OSBPL3: variants seen among roughly 807,000 people sequenced by gnomAD.
The protein encoded by OSBPL3 is oxysterol-binding protein-related protein 3.
Under a neutral mutation model 120.1 loss-of-function variants are expected in OSBPL3, and 65 were observed. That is an observed-to-expected ratio of 0.54 (90% CI 0.44 to 0.67). The LOEUF is 0.67. OSBPL3 is among the 30% of genes least tolerant of loss of function. The pLI, the probability that OSBPL3 is intolerant of heterozygous loss-of-function variation, is 0.00. For missense variants in OSBPL3, 1,004 were observed against 1,082.1 expected, an observed-to-expected ratio of 0.93 and a Z score of 1.01; for synonymous variants, 416 against 402.6, an observed-to-expected ratio of 1.03 and a Z score of -0.40.
Position 24,861,627 on chromosome 7 carries a change from T to C in OSBPL3, c.1013A>G (p.His338Arg). The change falls in exon 10 of 23, where the codon CAT becomes CGT. Residue 338 changes from histidine (H) to arginine (R), a missense_variant. Transcript: ENST00000313367. The part of the protein sequence containing the change: ...EFSKMQEDLC[H>R]IAHKVYFTLR... The stretch of plus-strand genomic sequence containing the variant: ...AACTCATTTACCTTTATGGGCAATA[T>C]GACACAGATCTTCTTGCATTTTAGA... 6.3e-7 allele frequency: 1 copy of C among 1,598,432 alleles called. No homozygotes were observed. Among genetic ancestry groups the C allele is most frequent in the Non-Finnish European group, 8.5e-7 (1 of 1,174,210 alleles).
At chr7:24,923,427 G>A (rs1043573441) in intron 1 of OSBPL3, among the ~76,000 whole-genome samples, 1 of 152,324 alleles carries the variant, frequency 6.6e-6, no homozygotes, top group East Asian at 1.9e-4. Flanking sequence ...TCAGAACGTG[G>A]AAGTATTTCG....
rs868067845 is a variant in OSBPL3 at position 24,810,086 on chromosome 7, G to T, written c.2173-135C>A. ...CTGCATATTAGTTTGCTAGTTCTGG[G>T]TTCCGTTTTTTTAACCGACAAATAA... On this transcript the variant is annotated intron_variant, in intron 19 of 22. Transcript: ENST00000313367. 28 of 919,088 alleles carry T rather than the reference G, an allele frequency of 3.0e-5. No homozygotes were observed. The African/African-American group carries it at 4.5e-4, about 15-fold the overall frequency. The allele number at this position is 919,088 out of a possible 1,614,324, so 56.9% of individuals were successfully genotyped here.
intron 12 of OSBPL3, among the ~76,000 whole-genome samples, chr7:24,846,164 C>T (rs1798423986): frequency 6.6e-6 from 1 of 152,078 alleles, no homozygotes; most frequent in Admixed American, 6.5e-5. Context: ...CCATTCTTAC[C>T]CATCATCCCT....
chr7:24,843,445 C>A (rs972681409), intron 12 of OSBPL3, among the ~76,000 whole-genome samples: 34 of 152,130 alleles, frequency 2.2e-4, no homozygotes, highest in African/African-American at 8.2e-4. Context: ...TCCACATCAT[C>A]CAGAATAATT....
chr7:24,876,766 T>A (rs1802907847), intron 2 of OSBPL3, among the ~76,000 whole-genome samples: 1 of 152,140 alleles, frequency 6.6e-6, no homozygotes, highest in African/African-American at 2.4e-5. Context: ...CCTAACTATA[T>A]AAGCAATAAT....
Position 24,891,110 on chromosome 7 carries a change from C to T in OSBPL3, c.96+1267G>A, listed in dbSNP as rs1805282426. On this transcript the variant is annotated intron_variant, in intron 2 of 22. Transcript: ENST00000313367. The surrounding 1 kb of genome is among the most constrained non-coding windows in gnomAD (Gnocchi z 4.1). ...TTTTGGCTTAGGGAGAAAAATACTC[C>T]TGTGGAAAGCTGACAAAGAGGACAA... is the stretch of plus-strand genomic sequence containing the variant. Among the ~76,000 whole-genome samples the T allele has an allele frequency of 6.6e-6, 1 of 152,166 alleles. No homozygotes were observed. Among genetic ancestry groups the T allele is most frequent in the South Asian group, 2.1e-4 (1 of 4,830 alleles).
At position 24,964,291 on chromosome 7, in the gene OSBPL3, A is replaced by C. The variant is rs931820060; in HGVS notation, c.-150+15595T>G. 2.0e-5 allele frequency among the ~76,000 whole-genome samples: 3 copies of C among 152,234 alleles called. No homozygotes were observed. The highest frequency in any genetic ancestry group is 4.4e-5 in the Non-Finnish European group (3 of 68,046). ...TATAGTATGGAAAGGCGAAGAAAAAATAACCATATGGTAGAGAAGCCTGAC... is the reference window on the plus strand; with the variant it reads ...TATAGTATGGAAAGGCGAAGAAAAACTAACCATATGGTAGAGAAGCCTGAC... On this transcript the variant is annotated intron_variant, in intron 1 of 22. Coordinates refer to ENST00000313367, the MANE Select transcript of OSBPL3 (RefSeq NM_015550.4). The surrounding 1 kb of genome is among the most constrained non-coding windows in gnomAD (Gnocchi z 4.2).
At chr7:24,907,765 G>A (rs541998440) in intron 1 of OSBPL3, among the ~76,000 whole-genome samples, 2 of 152,120 alleles carry the variant, frequency 1.3e-5, no homozygotes, top group South Asian at 4.2e-4. Flanking sequence ...TTCCTTTTGC[G>A]CTACCTGAAA....
chr7:24,944,572 G>C (rs1322622660), intron 1 of OSBPL3, among the ~76,000 whole-genome samples: 1 of 151,548 alleles, frequency 6.6e-6, no homozygotes, highest in Non-Finnish European at 1.5e-5. Context: ...GGAGGTTGCA[G>C]TGAGCTGAGA....
chr7:24,879,289 T>C lies in OSBPL3; in HGVS notation c.97-7220A>G, dbSNP rs1803302213. Reference sequence around the variant, plus strand: ...ATTAGCTCTATAACCTCAAGTACAATCCCTGACTTTGGGATCTAAGTGAGA... The same window carrying C: ...ATTAGCTCTATAACCTCAAGTACAACCCCTGACTTTGGGATCTAAGTGAGA... On this transcript the variant is annotated intron_variant, in intron 2 of 22. Transcript: ENST00000313367. This position sits in a 1 kb window ranked among gnomAD's most constrained non-coding sequence, Gnocchi z 5.6. Among the ~76,000 whole-genome samples, 2 of 152,138 alleles carry C rather than the reference T, an allele frequency of 1.3e-5. No individual in the cohort carries two copies. The highest frequency in any genetic ancestry group is 1.9e-4 in the East Asian group (1 of 5,198).
chr7:24,914,486 G>A (rs933746339), intron 1 of OSBPL3, among the ~76,000 whole-genome samples: 1 of 152,004 alleles, frequency 6.6e-6, no homozygotes, highest in Non-Finnish European at 1.5e-5. Flanking sequence ...CTATACTGGA[G>A]AGCCCAGTTT....
intron 12 of OSBPL3, among the ~76,000 whole-genome samples, chr7:24,845,384 T>TAAAAAAAAAAAAAAAAAAAAAAAAAA (rs34559902): frequency 4.8e-5 from 3 of 62,264 alleles, no homozygotes; most frequent in Admixed American, 2.6e-4. Context: ...GCAAAATAAG[T>TAAAAAAAAAAAAAAAAAAAAAAAAAA]AAAAAAAAAA....
intron 1 of OSBPL3, among the ~76,000 whole-genome samples, chr7:24,906,950 T>A (rs1209718484): frequency 6.6e-6 from 1 of 152,084 alleles, no homozygotes; most frequent in Admixed American, 6.5e-5. Context: ...ACAGCAAGCC[T>A]ATGCTCATTA....
chr7:24,806,878 T>C lies in OSBPL3; in HGVS notation c.2342A>G (p.Gln781Arg). The change falls in exon 21 of 23, where the codon CAA becomes CGA. Residue 781 changes from glutamine to arginine, a missense_variant. Around this residue, in one of 4 missense-constraint regions of OSBPL3, gnomAD observed 473 missense variants for 568.0 expected, o/e 0.83. Transcript: ENST00000313367. The surrounding 1 kb of genome is among the most constrained non-coding windows in gnomAD (Gnocchi z 5.2). ...RANPMPKGYE[Q>R]YYSFTQFALE... is the part of the protein sequence containing the mutation. ...CGCAAACTGTGTGAAGCTATAGTAT[T>C]GCTCGTAGCCTTTCGGCATAGGATC... 1 of 1,612,912 alleles carries C rather than the reference T, an allele frequency of 6.2e-7. No homozygotes were observed. Among genetic ancestry groups the C allele is most frequent in the Non-Finnish European group, 8.5e-7 (1 of 1,179,418 alleles).
In OSBPL3 at chr7:24,822,319, G is replaced by A. The variant is rs1795224497; in HGVS notation, c.1885-2081C>T. ...GGATCATATAAAACAAAATCAAGGT[G>A]CAGTGGCATAGCCCTGTAATTCCAG... On this transcript the variant is annotated intron_variant, in intron 16 of 22. Transcript: ENST00000313367. This position sits in a 1 kb window ranked among gnomAD's most constrained non-coding sequence, Gnocchi z 5.8. Among the ~76,000 whole-genome samples, 1 of 152,170 alleles carries A rather than the reference G, an allele frequency of 6.6e-6. No homozygotes were observed. The highest frequency in any genetic ancestry group is 2.1e-4 in the South Asian group (1 of 4,828).
intron 1 of OSBPL3, among the ~76,000 whole-genome samples, chr7:24,928,846 T>C (rs1049735956): frequency 1.3e-5 from 2 of 152,168 alleles, no homozygotes; most frequent in African/African-American, 4.8e-5. Context: ...ATATCAGTGG[T>C]CCCTTCTTTT....
rs566562735 is a variant in OSBPL3 at position 24,881,038 on chromosome 7, C to A, written c.97-8969G>T. Among the ~76,000 whole-genome samples, 1 of 152,332 alleles carries A rather than the reference C, an allele frequency of 6.6e-6. No individual in the cohort carries two copies. The highest frequency in any genetic ancestry group is 2.4e-5 in the African/African-American group (1 of 41,584). ...CAACTACAGGGCATTCATGACTCTT[C>A]AAGGAGACCCACTGCTTTGCTGGAC... On this transcript the variant is annotated intron_variant, in intron 2 of 22. Transcript: ENST00000313367. This position sits in a 1 kb window ranked among gnomAD's most constrained non-coding sequence, Gnocchi z 4.3.
At chr7:24,978,779 G>A (rs911438449) in intron 1 of OSBPL3, among the ~76,000 whole-genome samples, 1 of 152,164 alleles carries the variant, frequency 6.6e-6, no homozygotes, top group Non-Finnish European at 1.5e-5. Context: ...AACACCTAGG[G>A]GGTCTCAAGC....
chr7:24,839,862 T>C (rs1797484070), intron 14 of OSBPL3, among the ~76,000 whole-genome samples: 1 of 151,426 alleles, frequency 6.6e-6, no homozygotes, highest in South Asian at 2.1e-4. Flanking sequence ...TGGTGGTGCG[T>C]GCCTGTATTC....
Sources: allele counts gnomAD v4.1 joint callset (sites outside exome capture counted in the v4.1 genomes callset), GRCh38; gene constraint gnomAD v4.1.1; regional missense constraint gnomAD v4.1.1; non-coding constraint Gnocchi (gnomAD v3.1); transcripts MANE v1.5; gene names NCBI Gene and HGNC (gene_info 2026-07-23, HGNC 2026-07-21).